Variants in AMPH observed in about 807,000 individuals in gnomAD.
AMPH encodes amphiphysin (Stiff-Mann syndrome with breast cancer 128kD autoantigen).
In AMPH, 49 loss-of-function variants were observed where a neutral mutation model predicts 99.1. The ratio of observed to expected loss-of-function variants is 0.49; its 90% confidence interval spans 0.39 to 0.63. The LOEUF (loss-of-function observed/expected upper bound fraction) is 0.63. Ranked by LOEUF, AMPH falls within the 20% of genes least tolerant of loss-of-function variation. The pLI, the probability that AMPH is intolerant of heterozygous loss-of-function variation, is 0.00. For synonymous variants in AMPH, 314 were observed against 317.3 expected, an observed-to-expected ratio of 0.99 and a Z score of 0.11; for missense variants, 759 against 863.4, an observed-to-expected ratio of 0.88 and a Z score of 1.52.
At chr7:38,522,741 C>A (rs1027349527) in intron 2 of AMPH, among the ~76,000 whole-genome samples, 2 of 152,000 alleles carry the variant, frequency 1.3e-5, no homozygotes, top group Admixed American at 6.6e-5. Context: ...GGAGACTGCA[C>A]AAATAAATAT....
rs1784299980 is a variant in AMPH, at chr7:38,384,586, CACAA to C, written c.*228_*231del. 2.3e-6 allele frequency: 1 copy of C among 433,846 alleles called. No individual in the cohort carries two copies. Among genetic ancestry groups the C allele is most frequent in the Non-Finnish European group, 4.3e-6 (1 of 234,890 alleles). 26.9% of individuals were successfully genotyped at this position (433,846 alleles called of 1,614,324 possible). ...AAGAGTCTCCACAGCTTGGACAAAG[CACAA>C]ACAAACCTGTTATTGACAACATGGG... On this transcript the variant is annotated 3_prime_UTR_variant, in exon 21 of 21. Coordinates refer to ENST00000356264, the MANE Select transcript of AMPH (RefSeq NM_001635.4).
At chr7:38,429,228 G>A in intron 14 of AMPH, 1 of 1,288,110 alleles carries the variant, frequency 7.8e-7, no homozygotes, top group Non-Finnish European at 1.0e-6. Context: ...CACACAAGCA[G>A]CAATGGCAAC....
intron 18 of AMPH, among the ~76,000 whole-genome samples, chr7:38,392,386 T>TTTTTTTC (rs1784532726): frequency 8.1e-6 from 1 of 122,872 alleles, no homozygotes; most frequent in Non-Finnish European, 1.7e-5. Context: ...TCTTTTTTTT[T>TTTTTTTC]TTTTTTTTTT....
intron 4 of AMPH, among the ~76,000 whole-genome samples, chr7:38,492,233 T>C (rs1562788922): frequency 1.3e-5 from 2 of 152,186 alleles, no homozygotes; most frequent in Admixed American, 1.3e-4. Context: ...GACAATGGGA[T>C]GTACTTTCAG....
chr7:38,407,283 C>G (rs1785068167), intron 17 of AMPH, among the ~76,000 whole-genome samples: 1 of 133,526 alleles, frequency 7.5e-6, no homozygotes, highest in Non-Finnish European at 1.6e-5. Context: ...AGCTAGCTTT[C>G]TATCTATATA....
chr7:38,602,843 C>T (rs1449630592), intron 1 of AMPH, among the ~76,000 whole-genome samples: 1 of 152,078 alleles, frequency 6.6e-6, no homozygotes, highest in African/African-American at 2.4e-5. Context: ...ATTGTGTAGC[C>T]TAAATCATGG....
chr7:38,514,266 T>C (rs190626129), intron 2 of AMPH, among the ~76,000 whole-genome samples: 40 of 152,354 alleles, frequency 2.6e-4, no homozygotes, highest in African/African-American at 8.7e-4. Flanking sequence ...AGTAAATCCA[T>C]AGCAAATTCA....
At chr7:38,566,623 C>T (rs549526408) in intron 1 of AMPH, among the ~76,000 whole-genome samples, 6 of 151,784 alleles carry the variant, frequency 4.0e-5, no homozygotes, top group Admixed American at 2.0e-4. Flanking sequence ...CTACAGAATG[C>T]GAGAAAATTT....
intron 5 of AMPH, among the ~76,000 whole-genome samples, chr7:38,489,215 A>C (rs1788626863): frequency 6.6e-6 from 1 of 152,178 alleles, no homozygotes. Context: ...TGATCTTCAA[A>C]AAGGGTGCCA....
At chr7:38,442,172 G>A (rs1439461574) in intron 11 of AMPH, among the ~76,000 whole-genome samples, 2 of 152,042 alleles carry the variant, frequency 1.3e-5, no homozygotes, top group Non-Finnish European at 2.9e-5. Context: ...CTTGGGTGAG[G>A]AAGTGATCTG....
intron 1 of AMPH, among the ~76,000 whole-genome samples, chr7:38,619,169 G>A (rs1162817939): frequency 6.6e-6 from 1 of 152,116 alleles, no homozygotes; most frequent in African/African-American, 2.4e-5. Context: ...CAGCCTGAGT[G>A]ACAGAGCAAG....
chr7:38,565,946 A>G (rs923498054), intron 1 of AMPH, among the ~76,000 whole-genome samples: 4 of 152,220 alleles, frequency 2.6e-5, no homozygotes, highest in African/African-American at 4.8e-5. Context: ...CATTTACAAA[A>G]CTATCACTTT....
At chr7:38,577,469 G>A (rs972428532) in intron 1 of AMPH, among the ~76,000 whole-genome samples, 1 of 152,164 alleles carries the variant, frequency 6.6e-6, no homozygotes, top group African/African-American at 2.4e-5. Flanking sequence ...ATTCCCTTGC[G>A]AGTTTGATTA....
At chr7:38,525,271 TATATATAGAG>T (rs1361251371) in intron 2 of AMPH, among the ~76,000 whole-genome samples, 16 of 71,342 alleles carry the variant, frequency 2.2e-4, no homozygotes, top group African/African-American at 6.0e-4. Flanking sequence ...TATATATATA[TATATATAGAG>T]AGAGAGAGAG....
intron 1 of AMPH, among the ~76,000 whole-genome samples, chr7:38,538,392 A>T (rs188702691): frequency 3.3e-5 from 5 of 152,290 alleles, no homozygotes; most frequent in Admixed American, 3.3e-4. Flanking sequence ...CATTCTAGGG[A>T]CTGTGATCTT....
rs1193286985 is a variant in AMPH at position 38,495,418 on chromosome 7, AG to A, written c.206-892del. Among the ~76,000 whole-genome samples the A allele has an allele frequency of 3.3e-5, 5 of 152,306 alleles. No homozygotes were observed. The East Asian group carries it at 5.8e-4, about 18-fold the overall frequency. On this transcript the variant is annotated intron_variant, in intron 3 of 20. Coordinates refer to ENST00000356264, the MANE Select transcript of AMPH (RefSeq NM_001635.4). ...TGACCAGATCCTCTCCTAGAGGCTCAGAGCACAAGATGGGAACCAGCCCTGG... is the reference window on the plus strand; with the variant it reads ...TGACCAGATCCTCTCCTAGAGGCTCAAGCACAAGATGGGAACCAGCCCTGG...
intron 17 of AMPH, among the ~76,000 whole-genome samples, chr7:38,396,566 A>G (rs553973835): frequency 6.6e-6 from 1 of 152,354 alleles, no homozygotes; most frequent in East Asian, 1.9e-4. Context: ...ATTGTAACAG[A>G]CACTTATTTA....
chr7:38,600,135 G>A (rs1793197400), intron 1 of AMPH, among the ~76,000 whole-genome samples: 1 of 152,012 alleles, frequency 6.6e-6, no homozygotes, highest in Non-Finnish European at 1.5e-5. Flanking sequence ...AAAAATAAAA[G>A]ATAAAAATCC....
chr7:38,424,645 A>G (rs1488429106), intron 15 of AMPH, among the ~76,000 whole-genome samples: 4 of 144,014 alleles, frequency 2.8e-5, no homozygotes, highest in East Asian at 3.9e-4. Context: ...AGAACAAAGG[A>G]AAAAAAAAGA....
Sources: gnomAD v4.1 joint callset for allele counts (sites outside exome capture counted in the v4.1 genomes callset) on GRCh38, gnomAD v4.1.1 for gene constraint, MANE v1.5 for transcripts, NCBI Gene and HGNC (gene_info 2026-07-23, HGNC 2026-07-21) for gene names.